The following ACAD9 variants were observed in gnomAD, a reference collection of about 807,000 sequenced individuals.
ACAD9 encodes acyl-CoA dehydrogenase family member 9.
A neutral mutation model predicts 70.2 loss-of-function variants in ACAD9; 53 were observed. The observed-to-expected ratio is 0.75, with a 90% CI of 0.61 to 0.95. The LOEUF is 0.95. Among genes scored for constraint, ACAD9 ranks in the 40% least tolerant of loss-of-function variants. The pLI is 0.00. For missense variants in ACAD9, 777 were observed against 802.8 expected (o/e 0.97, Z 0.39); for synonymous variants, 313 against 312.1 (o/e 1.00, Z -0.03).
chr3:128,910,022 C>A lies in ACAD9; in HGVS notation c.1565C>A (p.Thr522Asn). ...VETLLLRFGK[T>N]IMEEQLVLKR... Reference sequence around the variant, plus strand: ...CACTTGGAGCCTCTGTGATCCCAGACCATCATGGAGGAGCAGCTGGTACTG... The same window carrying A: ...CACTTGGAGCCTCTGTGATCCCAGAACATCATGGAGGAGCAGCTGGTACTG... Residue 522 changes from threonine to asparagine, a missense_variant and splice_region_variant, in exon 16 of 18, where the codon ACC becomes AAC. Physicochemically the swap from Thr to Asn is moderately conservative, Grantham distance 65. Transcript: ENST00000308982. 6.2e-7 allele frequency: 1 copy of A among 1,613,484 alleles called. No homozygotes were observed. Among genetic ancestry groups the A allele is most frequent in the South Asian group, 1.1e-5 (1 of 90,770 alleles).
In ACAD9 at chr3:128,902,509, C is replaced by T. The variant is rs780011985; in HGVS notation, c.883-44C>T. The T allele has an allele frequency of 1.9e-6, 3 of 1,609,702 alleles. No homozygotes were observed. The highest frequency in any genetic ancestry group is 2.6e-6 in the Non-Finnish European group (3 of 1,175,964). ...CTGGTTTCGTTGCGGCCTCCTCCCT[C>T]TGCCTCCTTCAGGGCCCCTGGGCTC... On this transcript the variant is annotated intron_variant, in intron 8 of 17. Transcript: ENST00000308982. The surrounding 1 kb of genome is among the most constrained non-coding windows in gnomAD (Gnocchi z 4.0).
intron 16 of ACAD9, 139 bp from the exon 17 acceptor site, chr3:128,910,602 C>A: frequency 1.1e-6 from 1 of 948,920 alleles, no homozygotes; most frequent in Non-Finnish European, 1.7e-6. Context: ...GGAATTAGAA[C>A]CCAAGACGGG....
chr3:128,880,420 G>GT (rs533852772), intron 1 of ACAD9, among the ~76,000 whole-genome samples: 300 of 151,966 alleles, frequency 2.0e-3, no homozygotes, highest in Non-Finnish European at 3.1e-3. Flanking sequence ...AAACTCAGTT[G>GT]TTTTTTTTGA....
chr3:128,899,331 T>G lies in ACAD9; in HGVS notation c.678T>G (p.Phe226Leu), dbSNP rs1217369598. ...NGGLANIFTV[F>L]AKTEVVDSDG... ...GACTGGCCAATATTTTTACTGTGTT[T>G]GCAAAGACTGAGGTCGTTGATTCTG... The change falls in exon 7 of 18, where the codon TTT (phenylalanine) becomes TTG (leucine). Residue 226 changes from phenylalanine (F) to leucine (L), a missense_variant. Physicochemically the swap from Phe to Leu is conservative, Grantham distance 22. Coordinates refer to ENST00000308982, the MANE Select transcript of ACAD9 (RefSeq NM_014049.5). 4 of 1,614,146 alleles carry G rather than the reference T, an allele frequency of 2.5e-6. No individual in the cohort carries two copies. The African/African-American group carries it at 5.3e-5, about 22-fold the overall frequency.
At chr3:128,912,367 G>T in intron 17 of ACAD9, 140 bp from the exon 18 acceptor site, 2 of 715,774 alleles carry the variant, frequency 2.8e-6, no homozygotes, top group East Asian at 5.4e-5. Context: ...TCACTTGCTG[G>T]GGGTCTGGAG....
Position 128,899,407 on chromosome 3 carries a change from G to A in ACAD9, c.754G>A (p.Gly252Ser), listed in dbSNP as rs1350038161. Residue 252 changes from glycine to serine, a missense_variant, in exon 7 of 18, where the codon GGT becomes AGT. Coordinates refer to ENST00000308982, the MANE Select transcript of ACAD9 (RefSeq NM_014049.5). ...AGCATTCATAGTAGAAAGAGACTTT[G>A]GTGGAGTCACTAATGGGAAACCCGA... ...ITAFIVERDF[G>S]GVTNGKPEDK... 5.0e-6 allele frequency: 8 copies of A among 1,614,246 alleles called. No individual in the cohort carries two copies. Among genetic ancestry groups the A allele is most frequent in the Non-Finnish European group, 6.8e-6 (8 of 1,180,042 alleles).
At chr3:128,894,145 A>G (rs374338985) in intron 3 of ACAD9, among the ~76,000 whole-genome samples, 3 of 152,250 alleles carry the variant, frequency 2.0e-5, no homozygotes, top group South Asian at 4.1e-4. Context: ...TCAAAGGGAT[A>G]GACCACACAC....
At chr3:128,906,990 A>T (rs1188266833) in intron 12 of ACAD9, among the ~76,000 whole-genome samples, 1 of 152,160 alleles carries the variant, frequency 6.6e-6, no homozygotes, top group African/African-American at 2.4e-5. Context: ...GACGGGGCTC[A>T]TGTGGAGAGT....
intron 1 of ACAD9, among the ~76,000 whole-genome samples, chr3:128,881,940 C>T (rs538571396): frequency 6.6e-6 from 1 of 152,280 alleles, no homozygotes; most frequent in Non-Finnish European, 1.5e-5. Flanking sequence ...ATTTAGTGTC[C>T]TGGCTTTAAA....
At chr3:128,908,624 T>TC in intron 13 of ACAD9, 1 of 536,776 alleles carries the variant, frequency 1.9e-6, no homozygotes, top group East Asian at 3.3e-5. Context: ...CTGCCCTTCT[T>TC]CCCCTCATGC....
intron 7 of ACAD9, 62 bp downstream of exon 7, chr3:128,899,523 GGTGTGTGTGT>G (rs63473460): frequency 1.0e-3 from 1,089 of 1,068,712 alleles, no homozygotes; most frequent in South Asian, 2.9e-3. Flanking sequence ...GGCCTTTGAC[GGTGTGTGTGT>G]GTGTGTGTGT....
Position 128,913,051 on chromosome 3 carries a change from C to T in ACAD9, c.*444C>T, listed in dbSNP as rs921142488. On this transcript the variant is annotated 3_prime_UTR_variant, in exon 18 of 18. Transcript: ENST00000308982. ...TTCATTTAAACTAGAAGCAGAGGCA[C>T]TTAAAACATGTACCAGGAACCATTT... is the stretch of plus-strand genomic sequence containing the variant. The T allele has an allele frequency of 6.6e-6, 3 of 455,730 alleles. No homozygotes were observed. Among genetic ancestry groups the T allele is most frequent in the Non-Finnish European group, 1.3e-5 (3 of 227,712 alleles). 28.2% of individuals were successfully genotyped at this position (455,730 alleles called of 1,614,324 possible).
intron 2 of ACAD9, among the ~76,000 whole-genome samples, chr3:128,888,578 C>T (rs1023935640): frequency 1.3e-5 from 2 of 149,424 alleles, no homozygotes; most frequent in Non-Finnish European, 1.5e-5. Context: ...GACTCCATCT[C>T]AAAAAAAAAT....
chr3:128,910,849 C>T, intron 17 of ACAD9, 36 bp downstream of exon 17: 2 of 1,606,938 alleles, frequency 1.2e-6, no homozygotes, highest in South Asian at 2.2e-5. Flanking sequence ...AAGGAAGGGC[C>T]CACTTCTAGG....
intron 6 of ACAD9, among the ~76,000 whole-genome samples, chr3:128,898,174 C>T (rs1935620888): frequency 6.6e-6 from 1 of 151,598 alleles, no homozygotes; most frequent in Non-Finnish European, 1.5e-5. Context: ...CCCAAAAAAT[C>T]TTTAAATTTT....
At chr3:128,888,662 A>C (rs72973218) in intron 2 of ACAD9, among the ~76,000 whole-genome samples, 6 of 151,930 alleles carry the variant, frequency 3.9e-5, no homozygotes, top group Non-Finnish European at 7.4e-5. Context: ...AGAAGTGCCA[A>C]ATTGTCAGCT....
rs6782832 is a variant in ACAD9 at position 128,908,777 on chromosome 3, T to C, written c.1359-196T>C. Among the ~76,000 whole-genome samples, 7,261 of 152,170 alleles carry C rather than the reference T, an allele frequency of 0.048. 355 individuals are homozygous for C. The highest frequency in any genetic ancestry group is 0.12 in the African/African-American group (4,860 of 41,512). Reference sequence around the variant, plus strand: ...TGACTCCACCCCTCATGGGGGAGCATATGTGTGGCTCCCCTGAGGAGACTG... The same window carrying C: ...TGACTCCACCCCTCATGGGGGAGCACATGTGTGGCTCCCCTGAGGAGACTG... On this transcript the variant is annotated intron_variant, in intron 13 of 17. Transcript: ENST00000308982.
chr3:128,910,228 G>A, intron 16 of ACAD9, 79 bp downstream of exon 16: 1 of 1,604,578 alleles, frequency 6.2e-7, no homozygotes, highest in Non-Finnish European at 8.5e-7. Context: ...GATTGTTGAG[G>A]AGGGTGTGGT....
At chr3:128,886,922 C>A (rs1276077313) in intron 2 of ACAD9, among the ~76,000 whole-genome samples, 3 of 150,432 alleles carry the variant, frequency 2.0e-5, no homozygotes, top group Non-Finnish European at 4.4e-5. Flanking sequence ...AATCTTCAGA[C>A]ATGCTTTTTG....
Sources: gnomAD v4.1 joint callset for allele counts (sites outside exome capture counted in the v4.1 genomes callset) on GRCh38, gnomAD v4.1.1 for gene constraint, Gnocchi (gnomAD v3.1) non-coding constraint, MANE v1.5 for transcripts, NCBI Gene and HGNC (gene_info 2026-07-23, HGNC 2026-07-21) for gene names.